The following TDRD7 variants were observed in gnomAD, a reference collection of about 807,000 sequenced individuals.
TDRD7 encodes tudor domain containing 7.
TDRD7 carries 47 observed loss-of-function variants against 109.8 expected under a neutral mutation model. The observed-to-expected ratio is 0.43, with a 90% confidence interval of 0.34 to 0.55. The LOEUF (loss-of-function observed/expected upper bound fraction) is 0.55, where lower values mean the gene tolerates loss of function less well. Among genes scored for constraint, TDRD7 ranks in the 20% least tolerant of loss-of-function variants. TDRD7 has a pLI of 0.03. For missense variants in TDRD7, 1,164 were observed against 1,319.2 expected, an observed-to-expected ratio of 0.88 and a Z score of 1.82; for synonymous variants, 424 against 457.3, an observed-to-expected ratio of 0.93 and a Z score of 0.93.
chr9:97,423,273 A>G (rs768517256), intron 1 of TDRD7, among the ~76,000 whole-genome samples: 4 of 152,080 alleles, frequency 2.6e-5, no homozygotes, highest in Non-Finnish European at 5.9e-5. Flanking sequence ...CTTTCAATAA[A>G]TTTATCTATT....
intron 1 of TDRD7, among the ~76,000 whole-genome samples, chr9:97,418,948 C>G (rs189284915): frequency 3.3e-5 from 5 of 152,152 alleles, no homozygotes; most frequent in African/African-American, 9.6e-5. Context: ...CATGGAAACT[C>G]TATTCTTAAG....
intron 8 of TDRD7, among the ~76,000 whole-genome samples, chr9:97,467,304 G>A (rs1019541443): frequency 2.6e-5 from 4 of 152,190 alleles, no homozygotes; most frequent in African/African-American, 9.7e-5. Flanking sequence ...TATTCCACAA[G>A]GATATCTCCC....
chr9:97,489,600 C>T (rs1829266950), intron 16 of TDRD7, among the ~76,000 whole-genome samples: 1 of 152,100 alleles, frequency 6.6e-6, no homozygotes, highest in South Asian at 2.1e-4. Flanking sequence ...TTTACTCTGA[C>T]AATCTCTGTC....
At chr9:97,488,560 G>GTTTTTTTTTTTTTTTTTTT (rs61689126) in intron 16 of TDRD7, among the ~76,000 whole-genome samples, 2 of 140,596 alleles carry the variant, frequency 1.4e-5, no homozygotes, top group African/African-American at 2.6e-5. Context: ...AGATTTAATG[G>GTTTTTTTTTTTTTTTTTTT]TTTTTTTTTT....
intron 9 of TDRD7, 148 bp from the exon 10 acceptor site, chr9:97,472,145 G>A: frequency 1.4e-6 from 1 of 724,798 alleles, no homozygotes; most frequent in Non-Finnish European, 2.3e-6. Flanking sequence ...GTAAGATAAA[G>A]ATTGTAAAAC....
At chr9:97,474,225 G>T (rs1339066827) in intron 11 of TDRD7, among the ~76,000 whole-genome samples, 1 of 151,938 alleles carries the variant, frequency 6.6e-6, no homozygotes, top group East Asian at 1.9e-4. Context: ...TGTGCTTTAA[G>T]TTCCTAAAAT....
intron 6 of TDRD7, among the ~76,000 whole-genome samples, chr9:97,459,433 T>C (rs1268282427): frequency 6.6e-6 from 1 of 152,190 alleles, no homozygotes; most frequent in South Asian, 2.1e-4. Context: ...GTAGTAGAGC[T>C]GACCTCTGCT....
chr9:97,483,446 A>G (rs892535995), intron 15 of TDRD7, 95 bp downstream of exon 15: 23 of 1,411,314 alleles, frequency 1.6e-5, no homozygotes, highest in Non-Finnish European at 2.2e-5. Flanking sequence ...TTCGAACTGT[A>G]CTAATGGGAA....
In TDRD7 at chr9:97,480,927, T is replaced by C; in HGVS notation, c.2401T>C (p.Cys801Arg). ...LRDSVLNCSD[C>R]SIKVTKVDET... ...AGATTCTGTTTTGAATTGCTCGGAC[T>C]GTAGCATTAAGGTTAGCTATCTTGT... The change falls in exon 14 of 17, where the codon TGT becomes CGT. Residue 801 changes from cysteine to arginine, a missense_variant. Coordinates refer to ENST00000355295, the MANE Select transcript of TDRD7 (RefSeq NM_014290.3). 6.2e-7 allele frequency: 1 copy of C among 1,613,886 alleles called. No individual in the cohort carries two copies. The highest frequency in any genetic ancestry group is 8.5e-7 in the Non-Finnish European group (1 of 1,179,756).
chr9:97,494,878 T>C (rs1431706954), intron 16 of TDRD7, among the ~76,000 whole-genome samples: 5 of 151,696 alleles, frequency 3.3e-5, no homozygotes, highest in African/African-American at 2.4e-5. Context: ...ACCCGGCTAA[T>C]TTTTGTATTT....
At chr9:97,424,220 AGTTTTT>A (rs1469225560) in intron 1 of TDRD7, among the ~76,000 whole-genome samples, 3 of 151,388 alleles carry the variant, frequency 2.0e-5, no homozygotes, top group African/African-American at 7.3e-5. Flanking sequence ...CGTCCGACTG[AGTTTTT>A]GTATTTTTTA....
chr9:97,480,850 A>C lies in TDRD7; in HGVS notation c.2324A>C (p.Asp775Ala). ...CAGGCCATTAAGTGCTGTTTAGCAG[A>C]TCTTCCACAATCTATTGGCATGTGG... Reference protein sequence around the residue: ...PPQAIKCCLADLPQSIGMWTP... With the variant: ...PPQAIKCCLAALPQSIGMWTP... The change falls in exon 14 of 17, where the codon GAT (aspartate) becomes GCT (alanine). Residue 775 changes from aspartate (D) to alanine (A), a missense_variant. Asp to Ala is a moderately radical substitution (Grantham distance 126). Transcript: ENST00000355295. 6.2e-7 allele frequency: 1 copy of C among 1,614,120 alleles called. No homozygotes were observed. Among genetic ancestry groups the C allele is most frequent in the Non-Finnish European group, 8.5e-7 (1 of 1,179,958 alleles).
At chr9:97,430,732 C>CA (rs1191639609) in intron 2 of TDRD7, among the ~76,000 whole-genome samples, 1 of 152,130 alleles carries the variant, frequency 6.6e-6, no homozygotes, top group Non-Finnish European at 1.5e-5. Flanking sequence ...AAAGATAATT[C>CA]AATGTACTAG....
intron 6 of TDRD7, among the ~76,000 whole-genome samples, chr9:97,456,893 G>A (rs1828622114): frequency 2.0e-5 from 3 of 152,124 alleles, no homozygotes; most frequent in Admixed American, 2.0e-4. Context: ...CCTACAGAAT[G>A]GGAGAAAATT....
intron 4 of TDRD7, among the ~76,000 whole-genome samples, chr9:97,432,956 A>G (rs1828130503): frequency 6.6e-6 from 1 of 152,192 alleles, no homozygotes; most frequent in Non-Finnish European, 1.5e-5. Flanking sequence ...CTTTTGCAAA[A>G]TAGTGGCAGA....
At chr9:97,429,670 C>G (rs1238153812) in intron 2 of TDRD7, among the ~76,000 whole-genome samples, 1 of 152,128 alleles carries the variant, frequency 6.6e-6, no homozygotes, top group Non-Finnish European at 1.5e-5. Flanking sequence ...CCTGATCGTT[C>G]CAGACAGACT....
chr9:97,461,115 T>C (rs1442729267), intron 7 of TDRD7, among the ~76,000 whole-genome samples: 2 of 149,870 alleles, frequency 1.3e-5, no homozygotes, highest in Non-Finnish European at 3.0e-5. Context: ...CACTCCAGCC[T>C]GGGCGAAAGA....
intron 6 of TDRD7, among the ~76,000 whole-genome samples, chr9:97,456,282 T>C (rs1828607722): frequency 6.6e-6 from 1 of 152,206 alleles, no homozygotes; most frequent in Non-Finnish European, 1.5e-5. Context: ...GCTATTCTCA[T>C]CAAACTACCA....
chr9:97,491,151 CGTGATCCACCCACTTTG>C (rs987972944), intron 16 of TDRD7, among the ~76,000 whole-genome samples: 5 of 152,152 alleles, frequency 3.3e-5, no homozygotes, highest in Non-Finnish European at 4.4e-5. Flanking sequence ...CTCCTGACTT[CGTGATCCACCCACTTTG>C]GTGATCCTCC....
Sources: gnomAD v4.1 joint callset for allele counts (sites outside exome capture counted in the v4.1 genomes callset) on GRCh38, gnomAD v4.1.1 for gene constraint, MANE v1.5 for transcripts, NCBI Gene and HGNC (gene_info 2026-07-23, HGNC 2026-07-21) for gene names.